The following UTS2B variants were observed in gnomAD, a reference collection of about 807,000 sequenced individuals.
The protein encoded by UTS2B is urotensin 2B.
A neutral mutation model predicts 19.2 loss-of-function variants in UTS2B; 21 were observed. That is an observed-to-expected ratio of 1.09 (90% confidence interval 0.78 to 1.58). The LOEUF is 1.58. UTS2B is among the 40% of genes most tolerant of loss of function. The pLI is 0.00. For synonymous variants in UTS2B, 57 were observed against 50.2 expected, an observed-to-expected ratio of 1.14 and a Z score of -0.58; for missense variants, 138 against 130.3, an observed-to-expected ratio of 1.06 and a Z score of -0.29.
chr3:191,332,011 A>G (rs974211030), upstream of UTS2B, among the ~76,000 whole-genome samples: 4 of 152,194 alleles, frequency 2.6e-5, no homozygotes, highest in African/African-American at 7.2e-5. Flanking sequence ...ATAGATATAT[A>G]TGCAGTTACA....
At chr3:191,304,282 C>G (rs1286207156) in intron 4 of UTS2B, among the ~76,000 whole-genome samples, 2 of 152,160 alleles carry the variant, frequency 1.3e-5, no homozygotes, top group Non-Finnish European at 2.9e-5. Flanking sequence ...TAAAGGAAAC[C>G]TGAAGCAAAC....
rs191353761 is a variant in UTS2B, at chr3:191,302,020, G to A, written c.-125+2472C>T. Among the ~76,000 whole-genome samples the A allele has an allele frequency of 3.7e-4, 56 of 152,244 alleles. No homozygotes were observed. In the East Asian group the frequency reaches 9.9e-3, roughly 27 times the overall value. ...GGTCTGCTGGGCTGCAATCCCAGGG[G>A]GTTAGGCATTCTTAGTCACAGGATG... On this transcript the variant is annotated intron_variant, in intron 4 of 8. Coordinates refer to ENST00000340524, the MANE Select transcript of UTS2B (RefSeq NM_198152.5).
intron 2 of UTS2B, among the ~76,000 whole-genome samples, chr3:191,321,081 TAGA>T (rs1312857156): frequency 1.3e-5 from 2 of 152,164 alleles, no homozygotes; most frequent in East Asian, 3.8e-4. Context: ...AGTTAGGAAG[TAGA>T]AGAAGTTTGA....
chr3:191,302,127 C>A (rs1490622690), intron 4 of UTS2B, among the ~76,000 whole-genome samples: 1 of 152,106 alleles, frequency 6.6e-6, no homozygotes, highest in Non-Finnish European at 1.5e-5. Context: ...AGGCCAAAAC[C>A]CACCAAATTC....
At chr3:191,303,461 C>T (rs987502491) in intron 4 of UTS2B, among the ~76,000 whole-genome samples, 5 of 151,720 alleles carry the variant, frequency 3.3e-5, no homozygotes, top group African/African-American at 1.2e-4. Context: ...CCTTTGAACA[C>T]ACATTTGCTC....
intron 3 of UTS2B, among the ~76,000 whole-genome samples, chr3:191,306,961 C>T (rs1468372982): frequency 1.3e-5 from 2 of 152,148 alleles, no homozygotes; most frequent in Non-Finnish European, 2.9e-5. Context: ...TTTGGGCTTG[C>T]TACAGATTTT....
chr3:191,277,353 A>T (rs1024689026), intron 6 of UTS2B, among the ~76,000 whole-genome samples: 7 of 152,164 alleles, frequency 4.6e-5, no homozygotes, highest in Admixed American at 1.3e-4. Context: ...AAAAACCCTG[A>T]ATTTTAAAAG....
intron 3 of UTS2B, among the ~76,000 whole-genome samples, chr3:191,309,275 C>T (rs1717224527): frequency 6.6e-6 from 1 of 152,164 alleles, no homozygotes; most frequent in African/African-American, 2.4e-5. Flanking sequence ...CATTCTCCTG[C>T]CTCAGCCTCC....
At chr3:191,268,526 ATG>A in intron 8 of UTS2B, 85 bp from the exon 9 acceptor site, 1 of 936,354 alleles carries the variant, frequency 1.1e-6, no homozygotes, top group Non-Finnish European at 1.6e-6. Context: ...GTGTGCCTGA[ATG>A]CGAGAGTTAA....
At chr3:191,303,812 T>C (rs866601441) in intron 4 of UTS2B, among the ~76,000 whole-genome samples, 2 of 152,330 alleles carry the variant, frequency 1.3e-5, no homozygotes, top group Middle Eastern at 3.4e-3. Context: ...GAGTATCACA[T>C]GTGGTTTTGA....
the UTS2B span, among the ~76,000 whole-genome samples, chr3:191,340,297 C>T: frequency 2.6e-5 from 4 of 152,126 alleles, no homozygotes; most frequent in Admixed American, 2.6e-4. Flanking sequence ...AATTTGCTTG[C>T]GCCTTATATA....
rs921114198 is a variant in UTS2B, at chr3:191,267,407, A to C, written c.*1009T>G. 6.6e-6 allele frequency: 1 copy of C among 152,246 alleles called. No individual in the cohort carries two copies. The highest frequency in any genetic ancestry group is 1.5e-5 in the Non-Finnish European group (1 of 68,046). The allele number at this position is 152,246 out of a possible 1,614,324, so 9.4% of individuals were successfully genotyped here. On this transcript the variant is annotated 3_prime_UTR_variant, in exon 9 of 9. Transcript: ENST00000340524. ...AACAAGAACAAGGTGAAAAAATCATATGCATAATAAATGCCAGTTTCTTTA... is the reference window on the plus strand; with the variant it reads ...AACAAGAACAAGGTGAAAAAATCATCTGCATAATAAATGCCAGTTTCTTTA...
intron 3 of UTS2B, among the ~76,000 whole-genome samples, chr3:191,315,016 T>TAA (rs751841961): frequency 0.011 from 1,669 of 151,146 alleles, 18 homozygotes; most frequent in Non-Finnish European, 0.017. Context: ...CCCTAGAATT[T>TAA]TTTTTTTTTT....
At position 191,282,277 on chromosome 3, in the gene UTS2B, A is replaced by C; in HGVS notation, c.-88T>G. The C allele has an allele frequency of 1.1e-6, 1 of 933,192 alleles. No homozygotes were observed. Among genetic ancestry groups the C allele is most frequent in the Non-Finnish European group, 1.6e-6 (1 of 619,092 alleles). The allele number at this position is 933,192 out of a possible 1,614,324, so 57.8% of individuals were successfully genotyped here. On this transcript the variant is annotated 5_prime_UTR_variant, in exon 5 of 9. Transcript: ENST00000340524. ...ATAGCTTTGGAATTCAGTAGAGCTTAGTTGCAAAAGGCAAGTGTGCCTCAG... is the reference window on the plus strand; with the variant it reads ...ATAGCTTTGGAATTCAGTAGAGCTTCGTTGCAAAAGGCAAGTGTGCCTCAG...
At chr3:191,338,319 G>A in the UTS2B span, among the ~76,000 whole-genome samples, 44 of 152,126 alleles carry the variant, frequency 2.9e-4, no homozygotes, top group African/African-American at 9.6e-4. Context: ...TGTAAATATC[G>A]AATACAAGAG....
At chr3:191,340,748 C>T in the UTS2B span, among the ~76,000 whole-genome samples, 12,962 of 152,188 alleles carry the variant, frequency 0.085, 677 homozygotes, top group East Asian at 0.24. Flanking sequence ...CTCCCTCAGG[C>T]GGACATATGA....
chr3:191,273,743 T>G lies in UTS2B; in HGVS notation c.334+1509A>C, dbSNP rs188769441. ...ACCTTTCTCTTGTACTTTCTTCTCC[T>G]CCAGTTATCCTTGGCTCAATAAACA... On this transcript the variant is annotated intron_variant, in intron 8 of 8. Transcript: ENST00000340524. 2.0e-5 allele frequency among the ~76,000 whole-genome samples: 3 copies of G among 152,378 alleles called. No individual in the cohort carries two copies. The East Asian group carries it at 5.8e-4, about 29-fold the overall frequency.
At chr3:191,301,517 C>G (rs1430878058) in intron 4 of UTS2B, among the ~76,000 whole-genome samples, 16 of 131,534 alleles carry the variant, frequency 1.2e-4, no homozygotes, top group Admixed American at 8.8e-5. Flanking sequence ...GATGGAGTCT[C>G]GCTCTGTCGC....
At chr3:191,320,397 G>A (rs535442249) in intron 2 of UTS2B, among the ~76,000 whole-genome samples, 27 of 152,208 alleles carry the variant, frequency 1.8e-4, no homozygotes, top group Admixed American at 3.3e-4. Context: ...AGTGAGAAGG[G>A]AATGAGAGGA....
Sources: allele counts gnomAD v4.1 joint callset (sites outside exome capture counted in the v4.1 genomes callset), GRCh38; gene constraint gnomAD v4.1.1; transcripts MANE v1.5; gene names NCBI Gene and HGNC (gene_info 2026-07-23, HGNC 2026-07-21).